CEP162: variants seen among roughly 807,000 people sequenced by gnomAD.
The protein encoded by CEP162 is centrosomal protein 162, also known as centrosomal protein of 162 kDa.
CEP162 carries 141 observed loss-of-function variants against 169.2 expected under a neutral mutation model. The observed-to-expected ratio is 0.83, with a 90% CI of 0.73 to 0.96. CEP162 has a LOEUF of 0.96. Among genes scored for constraint, CEP162 ranks in the 40% least tolerant of loss-of-function variants. The pLI is 0.00. For synonymous variants in CEP162, 540 were observed against 526.4 expected, an observed-to-expected ratio of 1.03 and a Z score of -0.35; for missense variants, 1,600 against 1,587.2, an observed-to-expected ratio of 1.01 and a Z score of -0.14.
intron 18 of CEP162, among the ~76,000 whole-genome samples, chr6:84,163,875 C>T (rs1283009443): frequency 6.6e-6 from 1 of 151,832 alleles, no homozygotes; most frequent in Non-Finnish European, 1.5e-5. Context: ...AACTAAAGAG[C>T]TTCTGCTTAG....
chr6:84,198,332 C>T (rs771526630), intron 9 of CEP162, among the ~76,000 whole-genome samples: 3 of 151,950 alleles, frequency 2.0e-5, no homozygotes, highest in African/African-American at 4.8e-5. Context: ...GGCTGGAGTG[C>T]AGTGGCATGA....
At chr6:84,218,307 G>C (rs2099552324) in intron 3 of CEP162, among the ~76,000 whole-genome samples, 1 of 152,236 alleles carries the variant, frequency 6.6e-6, no homozygotes, top group African/African-American at 2.4e-5. Context: ...GCTGGACCCA[G>C]ATGGTGAGCG....
chr6:84,132,832 G>T (rs976302268), intron 25 of CEP162, among the ~76,000 whole-genome samples: 13 of 152,030 alleles, frequency 8.6e-5, no homozygotes, highest in Admixed American at 7.9e-4. Flanking sequence ...CTGATCTTCT[G>T]AGGCCTACTT....
chr6:84,159,016 C>A (rs550866348), intron 21 of CEP162, among the ~76,000 whole-genome samples: 1 of 151,312 alleles, frequency 6.6e-6, no homozygotes, highest in Admixed American at 6.6e-5. Context: ...CAATATGCAT[C>A]TAATTAGCCC....
intron 25 of CEP162, among the ~76,000 whole-genome samples, chr6:84,134,349 C>T (rs890075420): frequency 1.5e-4 from 23 of 152,152 alleles, no homozygotes; most frequent in African/African-American, 5.5e-4. Context: ...CTTCAACCCT[C>T]TTTCCAGGGG....
chr6:84,195,147 A>G, intron 9 of CEP162, 72 bp from the exon 10 acceptor site: 1 of 1,209,852 alleles, frequency 8.3e-7, no homozygotes, highest in Non-Finnish European at 1.1e-6. Context: ...CACTAATATC[A>G]TTCCTTAACC....
chr6:84,168,870 C>T (rs1011022822), intron 18 of CEP162, among the ~76,000 whole-genome samples: 4 of 152,210 alleles, frequency 2.6e-5, no homozygotes, highest in Non-Finnish European at 5.9e-5. Context: ...TTGTAAGATA[C>T]AGTCTCTGCT....
At chr6:84,212,830 C>A in intron 6 of CEP162, 127 bp downstream of exon 6, 2 of 617,854 alleles carry the variant, frequency 3.2e-6, no homozygotes, top group Non-Finnish European at 5.4e-6. Flanking sequence ...ATAACACAGG[C>A]AAACCCACTC....
At chr6:84,131,401 T>A (rs2099511368) in intron 25 of CEP162, among the ~76,000 whole-genome samples, 1 of 152,188 alleles carries the variant, frequency 6.6e-6, no homozygotes, top group Non-Finnish European at 1.5e-5. Context: ...TGAATATCCT[T>A]GTTAACTTTC....
At position 84,152,713 on chromosome 6, in the gene CEP162, A is replaced by T. The variant is rs201802888; in HGVS notation, c.3461T>A (p.Leu1154Gln). Reference sequence around the variant, plus strand: ...ATGTGGTTGGTACAGCTTGCTGTCCAGGGTTCCAGGGAAGGAGTTAGCATT... The same window carrying T: ...ATGTGGTTGGTACAGCTTGCTGTCCTGGGTTCCAGGGAAGGAGTTAGCATT... ...KGNANSFPGT[L>Q]DSKLYQPHTF... The change falls in exon 23 of 27, where the codon CTG (leucine) becomes CAG (glutamine). Residue 1154 changes from leucine (L) to glutamine (Q), a missense_variant. Leu to Gln is a moderately radical substitution (Grantham distance 113). Transcript: ENST00000403245. 542 of 1,613,176 alleles carry T rather than the reference A, an allele frequency of 3.4e-4. 6 individuals are homozygous for T. The South Asian group carries it at 4.3e-3, about 13-fold the overall frequency.
At position 84,215,372 on chromosome 6, in the gene CEP162, A is replaced by G. The variant is rs1426225748; in HGVS notation, c.413T>C (p.Leu138Pro). ...QEEKEQFFAR[L>P]EKGLTSSIDY... The stretch of plus-strand genomic sequence containing the variant: ...AATGGAAGATGTCAAGCCTTTCTCA[A>G]GCCTGGCAAAAAATTGTTCTTTCTC... The change falls in exon 5 of 27, where the codon CTT becomes CCT. Residue 138 changes from leucine to proline, a missense_variant. Transcript: ENST00000403245. 1.2e-6 allele frequency: 2 copies of G among 1,607,440 alleles called. No individual in the cohort carries two copies. The highest frequency in any genetic ancestry group is 3.4e-5 in the Admixed American group (2 of 59,342).
At chr6:84,134,917 T>C (rs59427080) in intron 25 of CEP162, among the ~76,000 whole-genome samples, 921 of 73,566 alleles carry the variant, frequency 0.013, 4 homozygotes, top group African/African-American at 0.039. Flanking sequence ...AAAGATCATA[T>C]ATACACACAC....
At chr6:84,201,343 G>A (rs1418270610) in intron 8 of CEP162, among the ~76,000 whole-genome samples, 1 of 151,888 alleles carries the variant, frequency 6.6e-6, no homozygotes, top group Non-Finnish European at 1.5e-5. Context: ...AAAGATAAAT[G>A]CTTATATACA....
At chr6:84,195,991 T>C (rs2099541975) in intron 9 of CEP162, among the ~76,000 whole-genome samples, 1 of 152,246 alleles carries the variant, frequency 6.6e-6, no homozygotes, top group East Asian at 1.9e-4. Context: ...TACTAAAACT[T>C]GTTCTACTAC....
At chr6:84,199,521 C>T (rs531781046) in intron 9 of CEP162, among the ~76,000 whole-genome samples, 48 of 143,530 alleles carry the variant, frequency 3.3e-4, no homozygotes, top group African/African-American at 1.2e-3. Context: ...ACAGACTTTT[C>T]TATAGGTATA....
At position 84,174,940 on chromosome 6, in the gene CEP162, G is replaced by A; in HGVS notation, c.1812C>T (p.Tyr604=). Residue 604 remains tyrosine (Y), a synonymous_variant, in exon 15 of 27, where the codon TAC becomes TAT. Transcript: ENST00000403245. ...ATTTCTTCTCCTTGTTCTCACCACA[G>A]TATCCTAAGGAATCCTTTCAAGACA... ...CIQFQTDSLG[Y]CGENKEKKLL... The A allele has an allele frequency of 6.3e-7, 1 of 1,595,286 alleles. No homozygotes were observed. The highest frequency in any genetic ancestry group is 8.5e-7 in the Non-Finnish European group (1 of 1,169,610).
chr6:84,169,360 TA>T lies in CEP162; in HGVS notation c.2352del (p.Phe784LeufsTer5). On this transcript the variant is annotated frameshift_variant, in exon 18 of 27. Transcript: ENST00000403245. LOFTEE classifies it high-confidence loss of function. ...ATCCGTAGTTCTGCTAACAGATCTGTAAAATTCTGATTTCTTGTGGGCTCTG... is the reference window on the plus strand; with the variant it reads ...ATCCGTAGTTCTGCTAACAGATCTGTAAATTCTGATTTCTTGTGGGCTCTG... ...EDSEPTRNQN[F>X]TDLLAELRMA... The T allele has an allele frequency of 6.3e-7, 1 of 1,582,938 alleles. No homozygotes were observed. The highest frequency in any genetic ancestry group is 8.6e-7 in the Non-Finnish European group (1 of 1,163,324).
At chr6:84,159,092 TTA>T (rs1284086637) in intron 21 of CEP162, among the ~76,000 whole-genome samples, 1 of 151,576 alleles carries the variant, frequency 6.6e-6, no homozygotes, top group Non-Finnish European at 1.5e-5. Context: ...AATAGACTAA[TTA>T]TAATTATTCT....
intron 25 of CEP162, among the ~76,000 whole-genome samples, chr6:84,134,913 C>CATAT (rs748205173): frequency 4.5e-5 from 4 of 89,450 alleles, no homozygotes; most frequent in African/African-American, 1.8e-4. Context: ...ATGAAAAGAT[C>CATAT]ATATATACAC....
Sources: gnomAD v4.1 joint callset for allele counts (sites outside exome capture counted in the v4.1 genomes callset) on GRCh38, gnomAD v4.1.1 for gene constraint, MANE v1.5 for transcripts, NCBI Gene and HGNC (gene_info 2026-07-23, HGNC 2026-07-21) for gene names.